RANBP3: variants seen among roughly 807,000 people sequenced by gnomAD.
RANBP3 encodes ran-binding protein 3.
A neutral mutation model predicts 77.3 loss-of-function variants in RANBP3; 14 were observed. That is an observed-to-expected ratio of 0.18 (90% CI 0.12 to 0.28). The LOEUF (loss-of-function observed/expected upper bound fraction) is 0.28, where lower values mean the gene tolerates loss of function less well. Ranked by LOEUF, RANBP3 falls within the 10% of genes least tolerant of loss-of-function variation. RANBP3 has a pLI of 1.00. For missense variants in RANBP3, 586 were observed against 752.3 expected (o/e 0.78, Z 2.59); for synonymous variants, 315 against 312.4 (o/e 1.01, Z -0.09).
In RANBP3 at chr19:5,917,351, T is replaced by C. The variant is rs1472798418; in HGVS notation, c.*259A>G. 1.9e-6 allele frequency: 1 copy of C among 528,340 alleles called. No homozygotes were observed. 32.7% of individuals were successfully genotyped at this position (528,340 alleles called of 1,614,324 possible). On this transcript the variant is annotated 3_prime_UTR_variant, in exon 17 of 17. Coordinates refer to ENST00000340578, the MANE Select transcript of RANBP3 (RefSeq NM_007322.3). ...AGCCGTGACAAGTCTTAATGTGCCA[T>C]TTCAATTCAAAGGAGGGGAGGGAGG...
intron 1 of RANBP3, among the ~76,000 whole-genome samples, chr19:5,974,089 C>T (rs1345139186): frequency 1.3e-5 from 2 of 152,092 alleles, no homozygotes; most frequent in Admixed American, 6.5e-5. Flanking sequence ...GACGACCCCG[C>T]GAGTGAGGGG....
At chr19:5,939,071 G>C (rs752476378) in intron 5 of RANBP3, among the ~76,000 whole-genome samples, 2 of 152,044 alleles carry the variant, frequency 1.3e-5, no homozygotes, top group Non-Finnish European at 2.9e-5. Context: ...TGTAATCCCA[G>C]CTACTCGGGA....
At chr19:5,926,571 A>G (rs1312200378) in intron 9 of RANBP3, among the ~76,000 whole-genome samples, 1 of 152,120 alleles carries the variant, frequency 6.6e-6, no homozygotes, top group African/African-American at 2.4e-5. Flanking sequence ...AAAAGAATCC[A>G]TGGCTCAAGT....
chr19:5,967,184 C>T (rs892321441), intron 1 of RANBP3, among the ~76,000 whole-genome samples: 1 of 152,204 alleles, frequency 6.6e-6, no homozygotes, highest in Non-Finnish European at 1.5e-5. Context: ...TCCAGCCCAG[C>T]TAGTGGAAGG....
At chr19:5,923,785 C>T (rs1194335631) in intron 12 of RANBP3, 27 bp downstream of exon 12, 7 of 1,556,498 alleles carry the variant, frequency 4.5e-6, no homozygotes, top group Non-Finnish European at 6.2e-6. Context: ...ACCATGAGCC[C>T]CATGCTGTGG....
At position 5,964,848 on chromosome 19, in the gene RANBP3, A is replaced by AGG. The variant is rs1327034714; in HGVS notation, c.23-6877_23-6876dup. Among the ~76,000 whole-genome samples the AGG allele has an allele frequency of 8.5e-4, 4 of 4,722 alleles. No individual in the cohort carries two copies. The East Asian group carries it at 0.034, about 40-fold the overall frequency. 3.1% of individuals were successfully genotyped at this position (4,722 alleles called of 152,430 possible). ...GGAAGAGGAGCTAAGTGGAGGTGGT[A>AGG]GGGTGGGGGGGGGGGTGGCACGGTG... On this transcript the variant is annotated intron_variant, in intron 1 of 16. Transcript: ENST00000340578.
chr19:5,947,732 C>T (rs1464596390), intron 3 of RANBP3, among the ~76,000 whole-genome samples: 1 of 152,168 alleles, frequency 6.6e-6, no homozygotes, highest in Non-Finnish European at 1.5e-5. Context: ...GATCATGTGC[C>T]CCACGTCCCT....
At chr19:5,965,022 G>A (rs746391859) in intron 1 of RANBP3, among the ~76,000 whole-genome samples, 1 of 152,140 alleles carries the variant, frequency 6.6e-6, no homozygotes, top group Admixed American at 6.5e-5. Flanking sequence ...AGATCTCTGC[G>A]ATGAAGGTGG....
chr19:5,938,200 G>GA (rs1237471915), intron 5 of RANBP3, among the ~76,000 whole-genome samples: 3 of 152,016 alleles, frequency 2.0e-5, no homozygotes, highest in African/African-American at 7.3e-5. Flanking sequence ...CAATGCTTTT[G>GA]AAGTCGGCAA....
chr19:5,946,299 C>G (rs1231848653), intron 3 of RANBP3, among the ~76,000 whole-genome samples: 2 of 152,194 alleles, frequency 1.3e-5, no homozygotes, highest in Non-Finnish European at 2.9e-5. Flanking sequence ...TGAGGACTTG[C>G]TGCGTGGGTG....
chr19:5,969,003 T>C (rs563236092), intron 1 of RANBP3, among the ~76,000 whole-genome samples: 1 of 152,130 alleles, frequency 6.6e-6, no homozygotes, highest in Middle Eastern at 3.4e-3. Flanking sequence ...AGCTCACACA[T>C]GAAGGGTGAG....
chr19:5,936,322 C>T (rs1319304323), intron 5 of RANBP3, among the ~76,000 whole-genome samples: 1 of 152,224 alleles, frequency 6.6e-6, no homozygotes, highest in Admixed American at 6.5e-5. Flanking sequence ...GGGAGGCACC[C>T]ACGTGCCCCT....
chr19:5,954,253 G>A (rs2058309428), intron 2 of RANBP3, among the ~76,000 whole-genome samples: 1 of 152,158 alleles, frequency 6.6e-6, no homozygotes, highest in African/African-American at 2.4e-5. Context: ...TTACTGAAAG[G>A]TAAGTCAGCT....
At chr19:5,976,556 CAACATGGTGA>C (rs1447550328) in intron 1 of RANBP3, 1 of 152,056 alleles carries the variant, frequency 6.6e-6, no homozygotes, top group South Asian at 2.1e-4. Flanking sequence ...CCATCCTGGC[CAACATGGTGA>C]AACCCCGTCT....
chr19:5,927,573 A>G (rs564888483), intron 9 of RANBP3, among the ~76,000 whole-genome samples: 4 of 152,348 alleles, frequency 2.6e-5, no homozygotes, highest in Admixed American at 2.6e-4. Flanking sequence ...TAATGCTGCT[A>G]GTGCTGAAAC....
rs1294276033 is a variant in RANBP3, at chr19:5,952,291, C to T, written c.79-695G>A. ...AGGGGGGCAAATCCACAGAGCCCCT[C>T]AGCCTAGGATTCTCCCAGGTGCATC... On this transcript the variant is annotated intron_variant, in intron 2 of 16. Transcript: ENST00000340578. The surrounding 1 kb of genome is among the most constrained non-coding windows in gnomAD (Gnocchi z 4.1). Among the ~76,000 whole-genome samples the T allele has an allele frequency of 2.0e-5, 3 of 152,130 alleles. No individual in the cohort carries two copies. The highest frequency in any genetic ancestry group is 6.5e-5 in the Admixed American group (1 of 15,276).
At chr19:5,957,775 C>T (rs922627907) in intron 2 of RANBP3, 143 bp downstream of exon 2, 40 of 833,464 alleles carry the variant, frequency 4.8e-5, no homozygotes, top group African/African-American at 1.9e-4. Context: ...CCAAGCTCAA[C>T]GTGAAAGTGT....
Position 5,924,685 on chromosome 19 carries a change from G to T in RANBP3, c.996+142C>A. 1.2e-6 allele frequency: 1 copy of T among 857,652 alleles called. No individual in the cohort carries two copies. The highest frequency in any genetic ancestry group is 1.9e-6 in the Non-Finnish European group (1 of 517,618). 53.1% of individuals were successfully genotyped at this position (857,652 alleles called of 1,614,324 possible). A position where few individuals can be genotyped will look rare whatever the true frequency, so the allele number is the denominator to read the frequency against. On this transcript the variant is annotated intron_variant, in intron 11 of 16. Transcript: ENST00000340578. This position sits in a 1 kb window ranked among gnomAD's most constrained non-coding sequence, Gnocchi z 4.7. ...AGTTTTCAGGCTGAGTCTGAGCAGGGTCTTCCCTCTCTCACTTGCTACTGA... is the reference window on the plus strand; with the variant it reads ...AGTTTTCAGGCTGAGTCTGAGCAGGTTCTTCCCTCTCTCACTTGCTACTGA...
chr19:5,943,998 G>A (rs868289240), intron 3 of RANBP3, among the ~76,000 whole-genome samples: 7 of 151,706 alleles, frequency 4.6e-5, no homozygotes, highest in Non-Finnish European at 8.8e-5. Flanking sequence ...TTCCGGCTCT[G>A]CCATTTTCTA....
Sources: allele counts gnomAD v4.1 joint callset (sites outside exome capture counted in the v4.1 genomes callset), GRCh38; gene constraint gnomAD v4.1.1; non-coding constraint Gnocchi (gnomAD v3.1); transcripts MANE v1.5; gene names NCBI Gene and HGNC (gene_info 2026-07-23, HGNC 2026-07-21).